The following ZNF740 variants were observed in gnomAD, a reference collection of about 807,000 sequenced individuals.
ZNF740 encodes oriLyt TD-element-binding protein 7.
ZNF740 carries 14 observed loss-of-function variants against 24.8 expected under a neutral mutation model. The observed-to-expected ratio is 0.56, with a 90% CI of 0.37 to 0.88. ZNF740 has a LOEUF of 0.88. Among genes scored for constraint, ZNF740 ranks in the 40% least tolerant of loss-of-function variants. The probability of loss-of-function intolerance (pLI) is 0.00; values close to 1 mark genes in which losing one functional copy is unlikely to be tolerated. For missense variants in ZNF740, 201 were observed against 247.9 expected (o/e 0.81, Z 1.27); for synonymous variants, 69 against 84.0 (o/e 0.82, Z 0.98).
chr12:53,192,975 A>C lies in ZNF740; in HGVS notation c.*5385A>C, dbSNP rs1942018164. The C allele has an allele frequency of 2.0e-6, 3 of 1,518,620 alleles. No individual in the cohort carries two copies. Among genetic ancestry groups the C allele is most frequent in the Non-Finnish European group, 2.7e-6 (3 of 1,099,460 alleles). The allele number at this position is 1,518,620 out of a possible 1,614,324, so 94.1% of individuals were successfully genotyped here. A position where few individuals can be genotyped will look rare whatever the true frequency, so the allele number is the denominator to read the frequency against. ...CACACACAGTTGGCCATCATGTGGC[A>C]CGACAAGCCCACGCATCCAATCTTT... is the stretch of plus-strand genomic sequence containing the variant. On this transcript the variant is annotated 3_prime_UTR_variant, in exon 7 of 7. Coordinates refer to ENST00000416904, the MANE Select transcript of ZNF740 (RefSeq NM_001004304.4).
Position 53,191,179 on chromosome 12 carries a change from C to T in ZNF740, c.*3589C>T. ...GGCTTCCTGGGTCCCAGGGTGCACC[C>T]CGGGAGTTTCCTGCACATTCGCGCT... On this transcript the variant is annotated 3_prime_UTR_variant, in exon 7 of 7. Coordinates refer to ENST00000416904, the MANE Select transcript of ZNF740 (RefSeq NM_001004304.4). 1 of 278,834 alleles carries T rather than the reference C, an allele frequency of 3.6e-6. No individual in the cohort carries two copies. The highest frequency in any genetic ancestry group is 7.1e-6 in the Non-Finnish European group (1 of 141,374). The allele number at this position is 278,834 out of a possible 1,614,324, so 17.3% of individuals were successfully genotyped here. A position where few individuals can be genotyped will look rare whatever the true frequency, so the allele number is the denominator to read the frequency against.
In ZNF740 at chr12:53,193,112, C is replaced by T. The variant is rs372904581; in HGVS notation, c.*5522C>T. The stretch of plus-strand genomic sequence containing the variant: ...GTGCCTTGGGAAGGCCTCTCAGACC[C>T]CGCCCTTCTCCCCAAGGCTCCAGGT... On this transcript the variant is annotated 3_prime_UTR_variant, in exon 7 of 7. Coordinates refer to ENST00000416904, the MANE Select transcript of ZNF740 (RefSeq NM_001004304.4). 44 of 1,579,928 alleles carry T rather than the reference C, an allele frequency of 2.8e-5. No homozygotes were observed. In the South Asian group the frequency reaches 4.3e-4, roughly 15 times the overall value.
Position 53,187,553 on chromosome 12 carries a change from G to A in ZNF740, c.545G>A (p.Cys182Tyr), listed in dbSNP as rs916405400. ...AGACACAAACGGATGTGCCAAGGGT[G>A]CCAGTCCAAGACTTCCGACGGGCAG... ...LLRHKRMCQGCQSKTSDGQFS... is the reference protein window; with the variant it reads ...LLRHKRMCQGYQSKTSDGQFS... The change falls in exon 7 of 7, where the codon TGC becomes TAC. Residue 182 changes from cysteine to tyrosine, a missense_variant. Cys to Tyr is a radical substitution (Grantham distance 194). Around this residue, in one of 3 missense-constraint regions of ZNF740, gnomAD observed 24 missense variants for 17.8 expected, o/e 1.35. Coordinates refer to ENST00000416904, the MANE Select transcript of ZNF740 (RefSeq NM_001004304.4). 19 of 1,613,896 alleles carry A rather than the reference G, an allele frequency of 1.2e-5. No individual in the cohort carries two copies. Among genetic ancestry groups the A allele is most frequent in the Admixed American group, 1.7e-5 (1 of 60,002 alleles).
chr12:53,181,942 G>A lies in ZNF740; in HGVS notation c.-42G>A, dbSNP rs756050331. Reference sequence around the variant, plus strand: ...AGTGTCTCAAGGAAAGGTGGACCTAGGAACTCCTGAACTTTTGGGTTGCCT... The same window carrying A: ...AGTGTCTCAAGGAAAGGTGGACCTAAGAACTCCTGAACTTTTGGGTTGCCT... On this transcript the variant is annotated 5_prime_UTR_variant, in exon 2 of 7. Coordinates refer to ENST00000416904, the MANE Select transcript of ZNF740 (RefSeq NM_001004304.4). 22 of 1,599,262 alleles carry A rather than the reference G, an allele frequency of 1.4e-5. No individual in the cohort carries two copies. Among genetic ancestry groups the A allele is most frequent in the Non-Finnish European group, 1.8e-5 (21 of 1,172,502 alleles).
At chr12:53,181,013 C>T (rs566884624) in intron 1 of ZNF740, 176 bp downstream of exon 1, 21,536 of 866,654 alleles carry the variant, frequency 0.025, 329 homozygotes, top group Non-Finnish European at 0.028. Context: ...ACACCGCCCC[C>T]TGCCCGCGCG....
intron 2 of ZNF740, among the ~76,000 whole-genome samples, chr12:53,184,155 G>A (rs946624416): frequency 7.1e-5 from 9 of 126,992 alleles, no homozygotes; most frequent in East Asian, 2.6e-4. Context: ...GTGTGTGCGC[G>A]CGCGCGCTCT....
Position 53,186,453 on chromosome 12 carries a change from C to T in ZNF740, c.436C>T (p.Arg146Cys). 6.3e-7 allele frequency: 1 copy of T among 1,592,644 alleles called. No homozygotes were observed. The highest frequency in any genetic ancestry group is 8.6e-7 in the Non-Finnish European group (1 of 1,168,980). The change falls in exon 6 of 7, where the codon CGC (arginine) becomes TGC (cysteine). Residue 146 changes from arginine to cysteine, a missense_variant. Physicochemically the swap from Arg to Cys is radical, Grantham distance 180. Around this residue, in one of 3 missense-constraint regions of ZNF740, gnomAD observed 60 missense variants for 107.8 expected, o/e 0.56. Coordinates refer to ENST00000416904, the MANE Select transcript of ZNF740 (RefSeq NM_001004304.4). ...TTTCATCCAGAAGTACCACCTGGAA[C>T]GCCACAAGCGTGTGCACAGTGGTGA... Reference protein sequence around the residue: ...MRFIQKYHLERHKRVHSGEKP... With the variant: ...MRFIQKYHLECHKRVHSGEKP...
Position 53,193,525 on chromosome 12 carries a change from G to A in ZNF740, c.*5935G>A, listed in dbSNP as rs1592398240. 7 of 739,512 alleles carry A rather than the reference G, an allele frequency of 9.5e-6. No homozygotes were observed. The South Asian group carries it at 1.4e-4, about 14-fold the overall frequency. 45.8% of individuals were successfully genotyped at this position (739,512 alleles called of 1,614,324 possible). A position where few individuals can be genotyped will look rare whatever the true frequency, so the allele number is the denominator to read the frequency against. ...TGAAACACTGAGGGGTGAGAGAGTG[G>A]AGGGAGCCCCAGTCAGGGGGAGGGC... On this transcript the variant is annotated 3_prime_UTR_variant, in exon 7 of 7. Coordinates refer to ENST00000416904, the MANE Select transcript of ZNF740 (RefSeq NM_001004304.4).
chr12:53,184,114 GGT>G (rs754768891), intron 2 of ZNF740, among the ~76,000 whole-genome samples: 3,060 of 123,488 alleles, frequency 0.025, 44 homozygotes, highest in South Asian at 0.038. Context: ...GAAGCTAAGG[GGT>G]GTGTGTGTGT....
rs764282863 is a variant in ZNF740, at chr12:53,191,850, TCTC to T, written c.*4264_*4266del. 6 of 1,612,944 alleles carry T rather than the reference TCTC, an allele frequency of 3.7e-6. No homozygotes were observed. The African/African-American group carries it at 4.0e-5, about 11-fold the overall frequency. ...GCTAAAAAGGGGCCTAACCAGGAAG[TCTC>T]CTCACCTGCTTCCAGTTGAGTTGTT... On this transcript the variant is annotated 3_prime_UTR_variant, in exon 7 of 7. Transcript: ENST00000416904.
At position 53,180,743 on chromosome 12, in the gene ZNF740, T is replaced by C; in HGVS notation, c.-402T>C. 1.6e-6 allele frequency: 2 copies of C among 1,264,426 alleles called. No homozygotes were observed. Among genetic ancestry groups the C allele is most frequent in the Non-Finnish European group, 1.0e-6 (1 of 977,004 alleles). The allele number at this position is 1,264,426 out of a possible 1,614,324, so 78.3% of individuals were successfully genotyped here. On this transcript the variant is annotated 5_prime_UTR_variant, in exon 1 of 7. Transcript: ENST00000416904. ...GTTTGTAAACTTGCCTCGGTCCCGGTGGGGGCAGCCGCGGCGGTGGGGTTG... is the reference window on the plus strand; with the variant it reads ...GTTTGTAAACTTGCCTCGGTCCCGGCGGGGGCAGCCGCGGCGGTGGGGTTG...
intron 1 of ZNF740, chr12:53,181,165 G>A: frequency 5.1e-6 from 5 of 985,080 alleles, no homozygotes; most frequent in Non-Finnish European, 6.0e-6. Context: ...GAGCGAGGCG[G>A]GCGACACGCC....
rs1157226355 is a variant in ZNF740 at position 53,184,187 on chromosome 12, G to GTC, written c.10-703_10-702insCT. 1.1e-3 allele frequency among the ~76,000 whole-genome samples: 159 copies of GTC among 147,712 alleles called. 2 individuals carry two copies. The highest frequency in any genetic ancestry group is 4.1e-3 in the African/African-American group (158 of 38,582). On this transcript the variant is annotated intron_variant, in intron 2 of 6. Transcript: ENST00000416904. ...CTCTGAAGCTAAGGGGTGTGTGTGT[G>GTC]TGTGTGTGTGTGTGAGTGACGGAGG...
At chr12:53,181,022 C>T (rs929033362) in intron 1 of ZNF740, 185 bp downstream of exon 1, 25 of 838,580 alleles carry the variant, frequency 3.0e-5, no homozygotes, top group East Asian at 1.3e-4. Context: ...CCTGCCCGCG[C>T]GTCCCGCCGC....
Position 53,191,298 on chromosome 12 carries a change from A to G in ZNF740, c.*3708A>G. The G allele has an allele frequency of 4.0e-6, 2 of 495,092 alleles. No homozygotes were observed. The highest frequency in any genetic ancestry group is 7.4e-6 in the Non-Finnish European group (2 of 269,934). 30.7% of individuals were successfully genotyped at this position (495,092 alleles called of 1,614,324 possible). ...TAAACAGTCTGCTTTGGCCTTGATG[A>G]GGTAAAGCAAAGTGACAGCTGTGGT... On this transcript the variant is annotated 3_prime_UTR_variant, in exon 7 of 7. Transcript: ENST00000416904.
Position 53,192,583 on chromosome 12 carries a change from C to T in ZNF740, c.*4993C>T, listed in dbSNP as rs772133824. 4 of 1,602,536 alleles carry T rather than the reference C, an allele frequency of 2.5e-6. No individual in the cohort carries two copies. Among genetic ancestry groups the T allele is most frequent in the East Asian group, 2.2e-5 (1 of 44,770 alleles). ...AGGTTACCAGCTGGGCAGTTGTCACCCAATGCCCCTTGCCCAACTACAAGC... is the reference window on the plus strand; with the variant it reads ...AGGTTACCAGCTGGGCAGTTGTCACTCAATGCCCCTTGCCCAACTACAAGC... On this transcript the variant is annotated 3_prime_UTR_variant, in exon 7 of 7. Coordinates refer to ENST00000416904, the MANE Select transcript of ZNF740 (RefSeq NM_001004304.4).
chr12:53,184,150 T>TGCGCGCGCGCGCGC (rs377127380), intron 2 of ZNF740, among the ~76,000 whole-genome samples: 2 of 104,346 alleles, frequency 1.9e-5, no homozygotes, highest in African/African-American at 7.5e-5. Context: ...TGTGTGTGTG[T>TGCGCGCGCGCGCGC]GCGCGCGCGC....
Position 53,193,244 on chromosome 12 carries a change from C to T in ZNF740, c.*5654C>T. The T allele has an allele frequency of 6.2e-7, 1 of 1,614,180 alleles. No individual in the cohort carries two copies. The highest frequency in any genetic ancestry group is 8.5e-7 in the Non-Finnish European group (1 of 1,180,014). On this transcript the variant is annotated 3_prime_UTR_variant, in exon 7 of 7. Coordinates refer to ENST00000416904, the MANE Select transcript of ZNF740 (RefSeq NM_001004304.4). Reference sequence around the variant, plus strand: ...GCTGCAGCGTCCACATTGACAGTGACCCTTTCCACTGCACAGGGGCCCTGT... The same window carrying T: ...GCTGCAGCGTCCACATTGACAGTGATCCTTTCCACTGCACAGGGGCCCTGT...
At chr12:53,182,918 C>G (rs1163671986) in intron 2 of ZNF740, among the ~76,000 whole-genome samples, 2 of 152,136 alleles carry the variant, frequency 1.3e-5, no homozygotes, top group South Asian at 2.1e-4. Flanking sequence ...ACTGGAGAGA[C>G]AGAATGAGCA....
Sources: gnomAD v4.1 joint callset for allele counts (sites outside exome capture counted in the v4.1 genomes callset) on GRCh38, gnomAD v4.1.1 for gene constraint, gnomAD v4.1.1 regional missense constraint, MANE v1.5 for transcripts, NCBI Gene and HGNC (gene_info 2026-07-23, HGNC 2026-07-21) for gene names.